Variants in SDCBP observed in about 807,000 individuals in gnomAD.
SDCBP encodes syndecan binding protein.
SDCBP carries 22 observed loss-of-function variants against 30.5 expected under a neutral mutation model. The ratio of observed to expected loss-of-function variants is 0.72; its 90% CI spans 0.52 to 1.03. The LOEUF is 1.03. Among genes scored for constraint, SDCBP ranks in the 50% least tolerant of loss-of-function variants. The probability of loss-of-function intolerance (pLI) is 0.00; values close to 1 mark genes in which losing one functional copy is unlikely to be tolerated. For missense variants in SDCBP, 304 were observed against 369.9 expected (o/e 0.82, Z 1.46); for synonymous variants, 103 against 118.7 (o/e 0.87, Z 0.86).
chr8:58,571,026 A>C lies in SDCBP; in HGVS notation c.130+61A>C, dbSNP rs1212512949. 7.9e-6 allele frequency: 10 copies of C among 1,273,456 alleles called. No homozygotes were observed. In the African/African-American group the frequency reaches 1.3e-4, roughly 17 times the overall value. The allele number at this position is 1,273,456 out of a possible 1,614,324, so 78.9% of individuals were successfully genotyped here. The stretch of plus-strand genomic sequence containing the variant: ...GAAATATTGTTATCTTCTTTTGCTC[A>C]TATAAGGAATCCAAGATTTTTTTTT... On this transcript the variant is annotated intron_variant, in intron 3 of 8. Coordinates refer to ENST00000260130, the MANE Select transcript of SDCBP (RefSeq NM_005625.4).
intron 3 of SDCBP, among the ~76,000 whole-genome samples, chr8:58,571,999 A>G (rs1805054310): frequency 6.6e-6 from 1 of 152,178 alleles, no homozygotes; most frequent in Non-Finnish European, 1.5e-5. Flanking sequence ...ATGTCTTCAT[A>G]TTTTACGAAT....
At chr8:58,568,538 T>A (rs1326860766) in intron 2 of SDCBP, among the ~76,000 whole-genome samples, 1 of 152,190 alleles carries the variant, frequency 6.6e-6, no homozygotes, top group East Asian at 1.9e-4. Context: ...AGTAACATAG[T>A]CATTTATTAT....
At chr8:58,555,155 C>G (rs149873809) in intron 1 of SDCBP, among the ~76,000 whole-genome samples, 14 of 152,268 alleles carry the variant, frequency 9.2e-5, no homozygotes, top group Non-Finnish European at 1.9e-4. Context: ...GCTTTCAAGT[C>G]TTTTGCTGTT....
intron 5 of SDCBP, among the ~76,000 whole-genome samples, chr8:58,577,237 T>C (rs990574540): frequency 1.3e-5 from 2 of 152,366 alleles, no homozygotes; most frequent in African/African-American, 4.8e-5. Context: ...ATGTAACAGA[T>C]GTGTGATAGA....
At chr8:58,579,471 C>T (rs1381438105) in intron 6 of SDCBP, 152 bp from the exon 7 acceptor site, 6 of 492,048 alleles carry the variant, frequency 1.2e-5, no homozygotes, top group Non-Finnish European at 1.6e-5. Flanking sequence ...AAAGATGTTC[C>T]GTGAATGTAT....
At chr8:58,567,956 C>T (rs1161782889) in intron 2 of SDCBP, among the ~76,000 whole-genome samples, 6 of 152,110 alleles carry the variant, frequency 3.9e-5, no homozygotes, top group Non-Finnish European at 8.8e-5. Context: ...CTAGAAGTTG[C>T]GCTGGGTAAG....
chr8:58,560,608 C>T (rs1014997866), intron 1 of SDCBP: 1 of 152,244 alleles, frequency 6.6e-6, no homozygotes, highest in Non-Finnish European at 1.5e-5. Flanking sequence ...CCTGAAGTAC[C>T]ACAGACAGAT....
At chr8:58,577,394 T>G (rs1486451623) in intron 5 of SDCBP, among the ~76,000 whole-genome samples, 1 of 152,246 alleles carries the variant, frequency 6.6e-6, no homozygotes, top group Non-Finnish European at 1.5e-5. Flanking sequence ...GTGTAGTTAT[T>G]GGTTAACAGT....
At position 58,579,770 on chromosome 8, in the gene SDCBP, T is replaced by A; in HGVS notation, c.726T>A (p.Asn242Lys). 1 of 1,610,810 alleles carries A rather than the reference T, an allele frequency of 6.2e-7. No homozygotes were observed. Among genetic ancestry groups the A allele is most frequent in the Non-Finnish European group, 8.5e-7 (1 of 1,178,648 alleles). Reference protein sequence around the residue: ...LLTEHNICEINGQNVIGLKDS... With the variant: ...LLTEHNICEIKGQNVIGLKDS... ...CGGAACATAACATCTGTGAAATCAA[T>A]GGACAGAATGTCATTGGATTGAAGG... Residue 242 changes from asparagine to lysine, a missense_variant, in exon 7 of 9, where the codon AAT becomes AAA. Transcript: ENST00000260130.
At chr8:58,578,392 G>A (rs182856980) in intron 6 of SDCBP, 184 bp downstream of exon 6, 73 of 449,878 alleles carry the variant, frequency 1.6e-4, no homozygotes, top group Non-Finnish European at 2.4e-4. Flanking sequence ...ATTCTGATAC[G>A]ATACCTTATT....
At chr8:58,573,566 C>G (rs1305930678) in intron 4 of SDCBP, among the ~76,000 whole-genome samples, 2 of 152,138 alleles carry the variant, frequency 1.3e-5, no homozygotes, top group Non-Finnish European at 2.9e-5. Flanking sequence ...TGAGGGGACA[C>G]TACTAGTGCC....
At chr8:58,557,746 A>G (rs1385879523) in intron 1 of SDCBP, among the ~76,000 whole-genome samples, 1 of 152,098 alleles carries the variant, frequency 6.6e-6, no homozygotes, top group Non-Finnish European at 1.5e-5. Context: ...AGGCCAGTGG[A>G]AAAAAGCTGT....
At position 58,578,078 on chromosome 8, in the gene SDCBP, G is replaced by C. The variant is rs886202166; in HGVS notation, c.448G>C (p.Val150Leu). 1 of 1,613,670 alleles carries C rather than the reference G, an allele frequency of 6.2e-7. No homozygotes were observed. Among genetic ancestry groups the C allele is most frequent in the Non-Finnish European group, 8.5e-7 (1 of 1,179,774 alleles). ...LVQANSPASL[V>L]GLRFGDQVLQ... ...CCAGGCTAATTCTCCAGCCTCATTG[G>C]TTGGTCTGAGATTTGGGGACCAAGT... is the stretch of plus-strand genomic sequence containing the variant. Residue 150 changes from valine to leucine, a missense_variant, in exon 6 of 9, where the codon GTT becomes CTT. Transcript: ENST00000260130.
intron 2 of SDCBP, among the ~76,000 whole-genome samples, chr8:58,569,539 T>A (rs1189393828): frequency 6.6e-6 from 1 of 152,254 alleles, no homozygotes; most frequent in Non-Finnish European, 1.5e-5. Flanking sequence ...TTTTTCAAAA[T>A]GTCGTATAGT....
intron 1 of SDCBP, among the ~76,000 whole-genome samples, chr8:58,558,979 T>C (rs1470734314): frequency 6.6e-6 from 1 of 152,226 alleles, no homozygotes; most frequent in Non-Finnish European, 1.5e-5. Context: ...GAATGCTTTG[T>C]GATTTAAAAA....
At chr8:58,565,131 A>C in intron 2 of SDCBP, 47 bp downstream of exon 2, 1 of 972,170 alleles carries the variant, frequency 1.0e-6, no homozygotes. Context: ...AGTAACATGC[A>C]TTCTACTTAT....
chr8:58,575,548 C>G (rs900554834), intron 4 of SDCBP, among the ~76,000 whole-genome samples: 1 of 152,104 alleles, frequency 6.6e-6, no homozygotes, highest in Non-Finnish European at 1.5e-5. Context: ...TGTCAAAGAT[C>G]GTGACATCAT....
chr8:58,573,152 A>T (rs912312733), intron 4 of SDCBP, among the ~76,000 whole-genome samples: 1 of 152,022 alleles, frequency 6.6e-6, no homozygotes, highest in African/African-American at 2.4e-5. Flanking sequence ...TCAAAGCTCC[A>T]TGTAATTAGA....
intron 2 of SDCBP, among the ~76,000 whole-genome samples, chr8:58,567,558 G>T (rs925581957): frequency 6.6e-6 from 1 of 152,156 alleles, no homozygotes; most frequent in Non-Finnish European, 1.5e-5. Flanking sequence ...TTCACTGTTG[G>T]TGTTATATGT....
Sources: gnomAD v4.1 joint callset for allele counts (sites outside exome capture counted in the v4.1 genomes callset) on GRCh38, gnomAD v4.1.1 for gene constraint, MANE v1.5 for transcripts, NCBI Gene and HGNC (gene_info 2026-07-23, HGNC 2026-07-21) for gene names.